Variants in NMI observed in about 807,000 individuals in gnomAD.
NMI encodes N-myc and STAT interactor, also known as N-myc-interactor.
Under a neutral mutation model 34.3 loss-of-function variants are expected in NMI, and 39 were observed. The ratio of observed to expected loss-of-function variants is 1.14; its 90% CI spans 0.88 to 1.49. The LOEUF (loss-of-function observed/expected upper bound fraction) is 1.49, where lower values mean the gene tolerates loss of function less well. NMI is among the 40% of genes most tolerant of loss of function. The pLI is 0.00. For synonymous variants in NMI, 113 were observed against 120.3 expected (o/e 0.94, Z 0.40); for missense variants, 339 against 358.1 (o/e 0.95, Z 0.43).
At chr2:151,272,841 C>G (rs1466332793) in intron 6 of NMI, among the ~76,000 whole-genome samples, 1 of 151,964 alleles carries the variant, frequency 6.6e-6, no homozygotes, top group Non-Finnish European at 1.5e-5. Context: ...AGGAAAAGGA[C>G]AAATATTGTA....
intron 3 of NMI, among the ~76,000 whole-genome samples, chr2:151,280,296 C>T (rs1341438811): frequency 1.3e-5 from 2 of 152,016 alleles, no homozygotes; most frequent in African/African-American, 4.8e-5. Flanking sequence ...CATAAATGCA[C>T]AAATGAGATA....
chr2:151,279,938 G>A (rs539403214), intron 3 of NMI, among the ~76,000 whole-genome samples: 7 of 151,868 alleles, frequency 4.6e-5, no homozygotes, highest in Admixed American at 2.0e-4. Flanking sequence ...GCTCACACTC[G>A]TAATCCCAGC....
At position 151,281,924 on chromosome 2, in the gene NMI, T is replaced by C. The variant is rs867236602; in HGVS notation, c.177+24A>G. Reference sequence around the variant, plus strand: ...AACCATGCATCCATCAAAAATGTAGTATATAAAATAATTAAGAGAGTACCT... The same window carrying C: ...AACCATGCATCCATCAAAAATGTAGCATATAAAATAATTAAGAGAGTACCT... On this transcript the variant is annotated intron_variant, in intron 3 of 7. Transcript: ENST00000243346. 18 of 1,124,374 alleles carry C rather than the reference T, an allele frequency of 1.6e-5. No homozygotes were observed. The Middle Eastern group carries it at 3.1e-3, about 195-fold the overall frequency. 69.6% of individuals were successfully genotyped at this position (1,124,374 alleles called of 1,614,324 possible).
At chr2:151,280,443 T>C (rs931959069) in intron 3 of NMI, among the ~76,000 whole-genome samples, 3 of 152,208 alleles carry the variant, frequency 2.0e-5, no homozygotes, top group Non-Finnish European at 2.9e-5. Flanking sequence ...GAACTTCTGA[T>C]TACGGTAAGG....
Position 151,271,644 on chromosome 2 carries a change from T to C in NMI, c.723A>G (p.Ile241Met), listed in dbSNP as rs745635694. The C allele has an allele frequency of 1.3e-6, 2 of 1,531,148 alleles. No homozygotes were observed. Among genetic ancestry groups the C allele is most frequent in the Non-Finnish European group, 1.8e-6 (2 of 1,106,192 alleles). The allele number at this position is 1,531,148 out of a possible 1,614,324, so 94.8% of individuals were successfully genotyped here. Residue 241 changes from isoleucine (I) to methionine (M), a missense_variant, in exon 7 of 8, where the codon ATA becomes ATG. Coordinates refer to ENST00000243346, the MANE Select transcript of NMI (RefSeq NM_004688.3). The stretch of plus-strand genomic sequence containing the variant: ...ACTTTACCTGATACTTTTTCAAGTG[T>C]ATTTCTGTGTATGGAGAAACAGTAA... ...HRVTVSPYTE[I>M]HLKKYQIFSG... is the part of the protein sequence containing the mutation.
chr2:151,282,689 T>A, intron 2 of NMI, 179 bp downstream of exon 2: 1 of 398,788 alleles, frequency 2.5e-6, no homozygotes, highest in Non-Finnish European at 4.5e-6. Flanking sequence ...AGAGAAAGAA[T>A]AAAAATATGA....
chr2:151,282,841 A>G, intron 2 of NMI, 27 bp downstream of exon 2: 1 of 1,152,670 alleles, frequency 8.7e-7, no homozygotes, highest in Non-Finnish European at 1.2e-6. Context: ...AATAATTTTT[A>G]ATAATACCCA....
chr2:151,284,359 C>A (rs1379363709), intron 1 of NMI, among the ~76,000 whole-genome samples: 1 of 151,942 alleles, frequency 6.6e-6, no homozygotes, highest in African/African-American at 2.4e-5. Context: ...TGCAGTGGGG[C>A]ATGAACACGG....
intron 1 of NMI, among the ~76,000 whole-genome samples, chr2:151,283,692 T>C (rs1683447611): frequency 6.6e-6 from 1 of 152,198 alleles, no homozygotes; most frequent in Non-Finnish European, 1.5e-5. Flanking sequence ...GCCTCCAACA[T>C]ATGCTTTCTC....
In NMI at chr2:151,275,618, G is replaced by A. The variant is rs1037188124; in HGVS notation, c.500C>T (p.Thr167Ile). The A allele has an allele frequency of 1.2e-6, 2 of 1,614,116 alleles. No individual in the cohort carries two copies. Among genetic ancestry groups the A allele is most frequent in the East Asian group, 2.2e-5 (1 of 44,882 alleles). The part of the protein sequence containing the change: ...MKINVTEIPD[T>I]LREDQMRDKL... ...GTCTCTCATTTGATCTTCACGCAAT[G>A]TGTCAGGAATTTCAGTAACATTGAT... is the stretch of plus-strand genomic sequence containing the variant. Residue 167 changes from threonine to isoleucine, a missense_variant, in exon 6 of 8, where the codon ACA becomes ATA. By Grantham distance (89) the Thr-to-Ile change is moderately conservative. Transcript: ENST00000243346.
intron 2 of NMI, 104 bp from the exon 3 acceptor site, chr2:151,282,147 C>T: frequency 4.9e-6 from 3 of 617,944 alleles, no homozygotes; most frequent in Non-Finnish European, 8.6e-6. Flanking sequence ...CAAAGAAAGA[C>T]ATTAGACAGT....
At chr2:151,276,709 T>C (rs1172600821) in intron 4 of NMI, among the ~76,000 whole-genome samples, 1 of 152,198 alleles carries the variant, frequency 6.6e-6, no homozygotes, top group Non-Finnish European at 1.5e-5. Flanking sequence ...GAGCAATATA[T>C]ATTCATTTGC....
At chr2:151,284,321 G>A (rs994279419) in intron 1 of NMI, among the ~76,000 whole-genome samples, 4 of 151,530 alleles carry the variant, frequency 2.6e-5, no homozygotes, top group Non-Finnish European at 5.9e-5. Flanking sequence ...TTTTTAGATA[G>A]GGTCTCACTT....
intron 6 of NMI, among the ~76,000 whole-genome samples, chr2:151,273,299 C>T (rs1307102287): frequency 6.6e-6 from 1 of 152,144 alleles, no homozygotes; most frequent in Non-Finnish European, 1.5e-5. Flanking sequence ...GTCAGTAAGA[C>T]ACAGTTTATG....
chr2:151,271,576 G>A (rs1156881274), intron 7 of NMI, 50 bp downstream of exon 7: 2 of 897,898 alleles, frequency 2.2e-6, no homozygotes, highest in Non-Finnish European at 3.7e-6. Context: ...TTTTTGTGGG[G>A]TGGGTTTGGG....
intron 2 of NMI, 66 bp from the exon 3 acceptor site, chr2:151,282,109 A>T (rs1573746739): frequency 1.4e-6 from 1 of 714,166 alleles, no homozygotes; most frequent in East Asian, 2.6e-5. Context: ...CGAATGAACT[A>T]AAGACTATAA....
chr2:151,279,623 T>C (rs188302050), intron 3 of NMI, among the ~76,000 whole-genome samples: 188 of 152,134 alleles, frequency 1.2e-3, no homozygotes, highest in African/African-American at 4.4e-3. Flanking sequence ...ACTACAGGCA[T>C]GCGCTACCAC....
chr2:151,271,979 C>T (rs2105201075), intron 6 of NMI, among the ~76,000 whole-genome samples: 1 of 152,262 alleles, frequency 6.6e-6, no homozygotes, highest in Non-Finnish European at 1.5e-5. Flanking sequence ...AATCAATGCA[C>T]AAAGGGTTGC....
In NMI at chr2:151,270,877, T is replaced by A. The variant is rs1396070948; in HGVS notation, c.742-2A>T. 6.2e-7 allele frequency: 1 copy of A among 1,604,530 alleles called. No individual in the cohort carries two copies. Among genetic ancestry groups the A allele is most frequent in the Non-Finnish European group, 8.5e-7 (1 of 1,175,370 alleles). ...CCTCTTAGATGTTCCTGAAAATATC[T>A]AAGAAGGAAAAAATGATAAATAGAA... On this transcript the variant is annotated splice_acceptor_variant, in intron 7 of 7. Transcript: ENST00000243346. LOFTEE classifies it high-confidence loss of function.
Sources: gnomAD v4.1 joint callset for allele counts (sites outside exome capture counted in the v4.1 genomes callset) on GRCh38, gnomAD v4.1.1 for gene constraint, MANE v1.5 for transcripts, NCBI Gene and HGNC (gene_info 2026-07-23, HGNC 2026-07-21) for gene names.